The following FH variants were observed in gnomAD, a reference collection of about 807,000 sequenced individuals.
The protein encoded by FH is fumarate hydratase, mitochondrial.
A neutral mutation model predicts 49.4 loss-of-function variants in FH; 22 were observed. The ratio of observed to expected loss-of-function variants is 0.45; its 90% CI spans 0.32 to 0.64. The LOEUF (loss-of-function observed/expected upper bound fraction) is 0.64, where lower values mean the gene tolerates loss of function less well. Among genes scored for constraint, FH ranks in the 30% least tolerant of loss-of-function variants. The probability of loss-of-function intolerance (pLI) is 0.05; values close to 1 mark genes in which losing one functional copy is unlikely to be tolerated. For missense variants in FH, 526 were observed against 641.5 expected (o/e 0.82, Z 1.95); for synonymous variants, 208 against 223.0 (o/e 0.93, Z 0.60).
At chr1:241,512,429 A>C (rs1660112433) in intron 3 of FH, among the ~76,000 whole-genome samples, 1 of 152,190 alleles carries the variant, frequency 6.6e-6, no homozygotes, top group African/African-American at 2.4e-5. Context: ...CTCTAGATAT[A>C]TTTGTTGCTG....
At position 241,508,830 on chromosome 1, in the gene FH, G is replaced by A. The variant is rs200481241; in HGVS notation, c.556-45C>T. 5 of 1,556,892 alleles carry A rather than the reference G, an allele frequency of 3.2e-6. No individual in the cohort carries two copies. The South Asian group carries it at 4.6e-5, about 14-fold the overall frequency. On this transcript the variant is annotated intron_variant, in intron 4 of 9. Transcript: ENST00000366560. ...AGAAATATAAAATGTTAAATCAGAG[G>A]CAACAAAAACAAACTTCTGAATTAA... is the stretch of plus-strand genomic sequence containing the variant.
At position 241,519,600 on chromosome 1, in the gene FH, C is replaced by T. The variant is rs1660317620; in HGVS notation, c.123G>A (p.Ala41=). ...GGCGGCCTGCGCTCACCATTCGAGC[C>T]GCGTTCGGAGGCCAAAACGAGGGCA... The part of the protein sequence containing the change: ...AAVPSFWPPN[A]ARMASQNSFR... The change falls in exon 1 of 10, where the codon GCG becomes GCA. Residue 41 remains alanine (A), a synonymous_variant. Coordinates refer to ENST00000366560, the MANE Select transcript of FH (RefSeq NM_000143.4). 1.9e-6 allele frequency: 3 copies of T among 1,547,604 alleles called. No homozygotes were observed. Among genetic ancestry groups the T allele is most frequent in the Non-Finnish European group, 2.6e-6 (3 of 1,146,348 alleles).
chr1:241,503,102 G>A (rs946205210), intron 7 of FH, among the ~76,000 whole-genome samples: 4 of 152,166 alleles, frequency 2.6e-5, no homozygotes, highest in African/African-American at 9.7e-5. Context: ...CAAGCTCCAA[G>A]TTTGAATCAA....
chr1:241,519,489 C>T, intron 1 of FH, 102 bp downstream of exon 1: 1 of 1,390,184 alleles, frequency 7.2e-7, no homozygotes, highest in South Asian at 1.4e-5. Context: ...GCGGCCCGGA[C>T]GCCCGGGGAA....
In FH at chr1:241,508,763, G is replaced by A. The variant is rs1573883332; in HGVS notation, c.578C>T (p.Thr193Ile). 6.2e-7 allele frequency: 1 copy of A among 1,613,666 alleles called. No individual in the cohort carries two copies. Among genetic ancestry groups the A allele is most frequent in the Non-Finnish European group, 8.5e-7 (1 of 1,179,688 alleles). The change falls in exon 5 of 10, where the codon ACA becomes ATA. Residue 193 changes from threonine to isoleucine, a missense_variant. Around this residue, in one of 2 missense-constraint regions of FH, gnomAD observed 383 missense variants for 514.0 expected, o/e 0.75. Transcript: ENST00000366560. ...TATTGCAGCAGCAATGTGCATTGCT[G>A]TGGGAAAAGTATCATTTGAGCTCTG... is the stretch of plus-strand genomic sequence containing the variant. ...KSQSSNDTFP[T>I]AMHIAAAIEV...
At position 241,503,797 on chromosome 1, in the gene FH, C is replaced by T. The variant is rs115540206; in HGVS notation, c.1108+245G>A. On this transcript the variant is annotated intron_variant, in intron 7 of 9. Transcript: ENST00000366560. ...ATTCAACCCGCGCTGATCACTTTAA[C>T]AGCCTGCTCTACATTTTCTAATGTG... 8.1e-3 allele frequency among the ~76,000 whole-genome samples: 1,234 copies of T among 152,364 alleles called. 20 individuals carry two copies. Among genetic ancestry groups the T allele is most frequent in the African/African-American group, 0.027 (1,137 of 41,586 alleles).
chr1:241,514,513 A>G (rs1349116293), intron 2 of FH, among the ~76,000 whole-genome samples: 1 of 152,226 alleles, frequency 6.6e-6, no homozygotes, highest in Non-Finnish European at 1.5e-5. Context: ...AAAATTAATA[A>G]TACAGATTGT....
At chr1:241,517,776 A>T (rs969600650) in intron 1 of FH, among the ~76,000 whole-genome samples, 6 of 152,096 alleles carry the variant, frequency 3.9e-5, no homozygotes, top group African/African-American at 1.4e-4. Context: ...TTTATATAAG[A>T]AATGTATAAA....
intron 7 of FH, among the ~76,000 whole-genome samples, chr1:241,503,372 T>C (rs572274137): frequency 3.0e-4 from 46 of 152,334 alleles, no homozygotes; most frequent in African/African-American, 9.4e-4. Context: ...ATTGTCAGTT[T>C]TAGCCCAAGC....
At chr1:241,517,933 G>A (rs1466497978) in intron 1 of FH, among the ~76,000 whole-genome samples, 1 of 152,026 alleles carries the variant, frequency 6.6e-6, no homozygotes, top group African/African-American at 2.4e-5. Flanking sequence ...ATTCATGTGT[G>A]ATTTATTTGC....
rs1659803493 is a variant in FH, at chr1:241,502,420, T to C, written c.1236+23A>G. The C allele has an allele frequency of 6.2e-7, 1 of 1,613,632 alleles. No individual in the cohort carries two copies. The highest frequency in any genetic ancestry group is 8.5e-7 in the Non-Finnish European group (1 of 1,179,718). On this transcript the variant is annotated intron_variant, in intron 8 of 9. Coordinates refer to ENST00000366560, the MANE Select transcript of FH (RefSeq NM_000143.4). ...TAATAAGCCTTTGGTCAAAAAACATTAAAAATCAGATTTAAAGCTTACCAT... is the reference window on the plus strand; with the variant it reads ...TAATAAGCCTTTGGTCAAAAAACATCAAAAATCAGATTTAAAGCTTACCAT...
At chr1:241,519,369 T>G (rs1461838453) in intron 1 of FH, 1 of 542,358 alleles carries the variant, frequency 1.8e-6, no homozygotes, top group Non-Finnish European at 3.1e-6. Context: ...ACAGCCCCCG[T>G]CCCTCCCCAA....
chr1:241,513,800 T>G lies in FH; in HGVS notation c.268-87A>C, dbSNP rs186511185. The G allele has an allele frequency of 3.0e-4, 295 of 993,422 alleles. No homozygotes were observed. The highest frequency in any genetic ancestry group is 2.1e-3 in the Middle Eastern group (9 of 4,336). The allele number at this position is 993,422 out of a possible 1,614,324, so 61.5% of individuals were successfully genotyped here. On this transcript the variant is annotated intron_variant, in intron 2 of 9. Transcript: ENST00000366560. ...TTTTGGCAGATGCAAAAGCTATACATAAAACAATAACAATAAAACAGTAAC... is the reference window on the plus strand; with the variant it reads ...TTTTGGCAGATGCAAAAGCTATACAGAAAACAATAACAATAAAACAGTAAC...
In FH at chr1:241,513,209, T is replaced by G. The variant is rs554927135; in HGVS notation, c.378+394A>C. 3.3e-5 allele frequency among the ~76,000 whole-genome samples: 5 copies of G among 152,262 alleles called. No individual in the cohort carries two copies. The South Asian group carries it at 1.0e-3, about 32-fold the overall frequency. On this transcript the variant is annotated intron_variant, in intron 3 of 9. Coordinates refer to ENST00000366560, the MANE Select transcript of FH (RefSeq NM_000143.4). Reference sequence around the variant, plus strand: ...ATACAGTTCTGTTACCTCTGATTGCTTCTTTAAGACAATGTTATTAGCATA... The same window carrying G: ...ATACAGTTCTGTTACCTCTGATTGCGTCTTTAAGACAATGTTATTAGCATA...
chr1:241,517,643 T>G (rs1369806954), intron 1 of FH, among the ~76,000 whole-genome samples: 1 of 152,180 alleles, frequency 6.6e-6, no homozygotes, highest in Non-Finnish European at 1.5e-5. Flanking sequence ...GCCAATTCAA[T>G]GTACTTAGTT....
At chr1:241,503,029 G>A (rs1025164266) in intron 7 of FH, among the ~76,000 whole-genome samples, 1 of 152,158 alleles carries the variant, frequency 6.6e-6, no homozygotes, top group African/African-American at 2.4e-5. Flanking sequence ...GTGATGCTAA[G>A]CTAAAATTTT....
chr1:241,504,787 T>C (rs1659870075), intron 6 of FH, among the ~76,000 whole-genome samples: 1 of 151,998 alleles, frequency 6.6e-6, no homozygotes, highest in South Asian at 2.1e-4. Flanking sequence ...GTATGATAAA[T>C]GTACTGAAAG....
chr1:241,504,355 C>T (rs1659861330), intron 6 of FH, 110 bp from the exon 7 acceptor site: 7 of 1,069,448 alleles, frequency 6.5e-6, no homozygotes, highest in Middle Eastern at 6.0e-4. Flanking sequence ...AAAAATTTTA[C>T]TTCAGAAAAA....
intron 9 of FH, among the ~76,000 whole-genome samples, chr1:241,499,085 G>A (rs751338770): frequency 2.6e-5 from 4 of 152,070 alleles, no homozygotes; most frequent in Non-Finnish European, 5.9e-5. Flanking sequence ...TATATATCCA[G>A]TACTTTTATT....
Sources: gnomAD v4.1 joint callset for allele counts (sites outside exome capture counted in the v4.1 genomes callset) on GRCh38, gnomAD v4.1.1 for gene constraint, gnomAD v4.1.1 regional missense constraint, MANE v1.5 for transcripts, NCBI Gene and HGNC (gene_info 2026-07-23, HGNC 2026-07-21) for gene names.